The following SLC1A3 variants were observed in gnomAD, a reference collection of about 807,000 sequenced individuals.
SLC1A3 encodes the protein solute carrier family 1 member 3, also known as excitatory amino acid transporter 1.
SLC1A3 carries 21 observed loss-of-function variants against 48.1 expected under a neutral mutation model. That is an observed-to-expected ratio of 0.44 (90% CI 0.31 to 0.63). The LOEUF (loss-of-function observed/expected upper bound fraction) is 0.63. Ranked by LOEUF, SLC1A3 falls within the 20% of genes least tolerant of loss-of-function variation. The probability of loss-of-function intolerance (pLI) is 0.08; values close to 1 mark genes in which losing one functional copy is unlikely to be tolerated. For synonymous variants in SLC1A3, 239 were observed against 251.4 expected (o/e 0.95, Z 0.47); for missense variants, 546 against 689.0 (o/e 0.79, Z 2.32).
intron 5 of SLC1A3, among the ~76,000 whole-genome samples, chr5:36,675,150 A>G (rs1020734514): frequency 1.3e-5 from 2 of 152,176 alleles, no homozygotes; most frequent in Non-Finnish European, 2.9e-5. Flanking sequence ...TTTTACACAT[A>G]TAAGTCTCCC....
intron 3 of SLC1A3, among the ~76,000 whole-genome samples, chr5:36,637,882 C>T (rs550787342): frequency 1.3e-5 from 2 of 151,790 alleles, no homozygotes; most frequent in South Asian, 4.2e-4. Flanking sequence ...CTGCCCCCCA[C>T]CCCAGAGTTC....
At chr5:36,612,596 G>GA (rs372263439) in intron 2 of SLC1A3, 34 of 152,746 alleles carry the variant, frequency 2.2e-4, no homozygotes, top group South Asian at 4.2e-4. Context: ...CTCCAAATAA[G>GA]AAAAAAAAAA....
At chr5:36,653,017 A>G (rs1741145056) in intron 3 of SLC1A3, among the ~76,000 whole-genome samples, 1 of 152,222 alleles carries the variant, frequency 6.6e-6, no homozygotes, top group African/African-American at 2.4e-5. Context: ...TGCATTTTCT[A>G]AGATGTTTCT....
At chr5:36,602,076 A>G (rs1349633741), upstream of SLC1A3, among the ~76,000 whole-genome samples, 1 of 152,168 alleles carries the variant, frequency 6.6e-6, no homozygotes, top group Non-Finnish European at 1.5e-5. Context: ...GCACATAGGA[A>G]AGGCAACCAA....
At position 36,687,626 on chromosome 5, in the gene SLC1A3, A is replaced by G. The variant is rs1742707475; in HGVS notation, c.*1357A>G. Reference sequence around the variant, plus strand: ...AAAGTCCTTAGAATGAGGGAAACAAAATATTTATTTGTTTTGGAATCCCAC... The same window carrying G: ...AAAGTCCTTAGAATGAGGGAAACAAGATATTTATTTGTTTTGGAATCCCAC... On this transcript the variant is annotated 3_prime_UTR_variant, in exon 10 of 10. Coordinates refer to ENST00000265113, the MANE Select transcript of SLC1A3 (RefSeq NM_004172.5). 1 of 152,280 alleles carries G rather than the reference A, an allele frequency of 6.6e-6. No individual in the cohort carries two copies. Among genetic ancestry groups the G allele is most frequent in the East Asian group, 1.9e-4 (1 of 5,200 alleles). 9.4% of individuals were successfully genotyped at this position (152,280 alleles called of 1,614,324 possible). A position where few individuals can be genotyped will look rare whatever the true frequency, so the allele number is the denominator to read the frequency against.
At chr5:36,623,052 G>A (rs1354236391) in intron 2 of SLC1A3, among the ~76,000 whole-genome samples, 1 of 150,956 alleles carries the variant, frequency 6.6e-6, no homozygotes, top group Admixed American at 6.6e-5. Context: ...TTTGTTGTTA[G>A]GAAAACAAGG....
At chr5:36,675,704 A>G (rs570993350) in intron 5 of SLC1A3, among the ~76,000 whole-genome samples, 1 of 152,356 alleles carries the variant, frequency 6.6e-6, no homozygotes, top group Admixed American at 6.5e-5. Context: ...GTTGGTTGGA[A>G]TAGATGAATG....
chr5:36,668,827 A>G (rs1248039670), intron 3 of SLC1A3: 1 of 152,180 alleles, frequency 6.6e-6, no homozygotes, highest in East Asian at 1.9e-4. Flanking sequence ...AGCCGTGGGT[A>G]TTGGGATAAC....
At position 36,680,411 on chromosome 5, in the gene SLC1A3, A is replaced by C. The variant is rs1742390566; in HGVS notation, c.1111A>C (p.Ile371Leu). The C allele has an allele frequency of 3.1e-6, 5 of 1,614,128 alleles. No individual in the cohort carries two copies. The highest frequency in any genetic ancestry group is 4.2e-6 in the Non-Finnish European group (5 of 1,179,990). Reference sequence around the variant, plus strand: ...TGTTCTCAGTTCTGCCACCCTACCCATCACCTTCAAGTGCCTGGAAGAGAA... The same window carrying C: ...TGTTCTCAGTTCTGCCACCCTACCCCTCACCTTCAAGTGCCTGGAAGAGAA... ...GTSSSSATLP[I>L]TFKCLEENNG... is the part of the protein sequence containing the mutation. The change falls in exon 8 of 10, where the codon ATC (isoleucine) becomes CTC (leucine). Residue 371 changes from isoleucine to leucine, a missense_variant. Physicochemically the swap from Ile to Leu is conservative, Grantham distance 5 (BLOSUM62 2). Around this residue, in one of 3 missense-constraint regions of SLC1A3, gnomAD observed 142 missense variants for 238.0 expected, o/e 0.60. Coordinates refer to ENST00000265113, the MANE Select transcript of SLC1A3 (RefSeq NM_004172.5).
intron 3 of SLC1A3, among the ~76,000 whole-genome samples, chr5:36,661,829 T>C (rs1348858560): frequency 6.6e-6 from 1 of 152,246 alleles, no homozygotes; most frequent in Non-Finnish European, 1.5e-5. Flanking sequence ...GAGTCTGACA[T>C]GCTCTGCAGT....
intron 3 of SLC1A3, among the ~76,000 whole-genome samples, chr5:36,650,865 T>A (rs1207046721): frequency 1.3e-5 from 2 of 152,170 alleles, no homozygotes; most frequent in African/African-American, 4.8e-5. Context: ...TTTGTTTTCT[T>A]TGAAAATGGG....
At chr5:36,668,776 A>T (rs893026471) in intron 3 of SLC1A3, 1 of 152,192 alleles carries the variant, frequency 6.6e-6, no homozygotes, top group African/African-American at 2.4e-5. Context: ...AACATTTTTT[A>T]AAAACCTATG....
At chr5:36,672,387 C>T (rs1004726961) in intron 4 of SLC1A3, among the ~76,000 whole-genome samples, 4 of 152,204 alleles carry the variant, frequency 2.6e-5, no homozygotes, top group African/African-American at 9.6e-5. Flanking sequence ...GGAAAGATAT[C>T]TCAGCATAGG....
chr5:36,676,866 T>A (rs1742228447), intron 5 of SLC1A3, 26 bp from the exon 6 acceptor site: 1 of 1,576,516 alleles, frequency 6.3e-7, no homozygotes, highest in Non-Finnish European at 8.7e-7. Flanking sequence ...TCACCTTTAA[T>A]CCTCGTTGTG....
chr5:36,617,550 G>A lies in SLC1A3; in HGVS notation c.181+8946G>A, dbSNP rs965701846. Reference sequence around the variant, plus strand: ...TTGACCCCTGTCCCCCAAGGTTCCCGTTTATCTTGTTATTCATTTCTCGTA... The same window carrying A: ...TTGACCCCTGTCCCCCAAGGTTCCCATTTATCTTGTTATTCATTTCTCGTA... On this transcript the variant is annotated intron_variant, in intron 2 of 9. Transcript: ENST00000265113. Among the ~76,000 whole-genome samples the A allele has an allele frequency of 3.8e-4, 57 of 150,716 alleles. 1 individual carries two copies. The highest frequency in any genetic ancestry group is 1.6e-3 in the East Asian group (8 of 5,132).
intron 3 of SLC1A3, among the ~76,000 whole-genome samples, chr5:36,655,976 A>G (rs997925925): frequency 1.3e-5 from 2 of 152,212 alleles, no homozygotes; most frequent in Non-Finnish European, 2.9e-5. Context: ...GCTCCTCAGT[A>G]ATCAGATAAA....
At chr5:36,629,685 C>CA in intron 3 of SLC1A3, 98 bp downstream of exon 3, 1 of 1,024,454 alleles carries the variant, frequency 9.8e-7, no homozygotes, top group Non-Finnish European at 1.5e-6. Flanking sequence ...CTGCTGGATG[C>CA]ATGCTCTGTT....
chr5:36,607,122 A>C (rs1422591189), intron 1 of SLC1A3: 1 of 152,196 alleles, frequency 6.6e-6, no homozygotes, highest in Non-Finnish European at 1.5e-5. Context: ...AGTCTTAAAC[A>C]AATTAGAAGT....
chr5:36,628,201 G>A (rs965006008), intron 2 of SLC1A3, among the ~76,000 whole-genome samples: 2 of 152,136 alleles, frequency 1.3e-5, no homozygotes, highest in Non-Finnish European at 2.9e-5. Flanking sequence ...CGTAGATTAA[G>A]ATTCTTATTA....
Sources: gnomAD v4.1 joint callset for allele counts (sites outside exome capture counted in the v4.1 genomes callset) on GRCh38, gnomAD v4.1.1 for gene constraint, gnomAD v4.1.1 regional missense constraint, MANE v1.5 for transcripts, NCBI Gene and HGNC (gene_info 2026-07-23, HGNC 2026-07-21) for gene names.